Variants in DNAAF5 observed in about 807,000 individuals in gnomAD.
The protein encoded by DNAAF5 is dynein axonemal assembly factor 5.
In DNAAF5, 64 loss-of-function variants were observed where a neutral mutation model predicts 75.8. The observed-to-expected ratio is 0.84, with a 90% CI of 0.69 to 1.04. DNAAF5 has a LOEUF of 1.04. Among genes scored for constraint, DNAAF5 ranks in the 50% least tolerant of loss-of-function variants. The pLI is 0.00. For synonymous variants in DNAAF5, 657 were observed against 557.2 expected, an observed-to-expected ratio of 1.18 and a Z score of -2.52; for missense variants, 1,269 against 1,178.5, an observed-to-expected ratio of 1.08 and a Z score of -1.12.
At chr7:758,660 TGG>T (rs1254026886) in intron 6 of DNAAF5, among the ~76,000 whole-genome samples, 1 of 152,038 alleles carries the variant, frequency 6.6e-6, no homozygotes, top group Non-Finnish European at 1.5e-5. Flanking sequence ...CCACCACACC[TGG>T]GTAATTTTTT....
At chr7:767,540 A>G (rs535975391) in intron 8 of DNAAF5, among the ~76,000 whole-genome samples, 1 of 152,234 alleles carries the variant, frequency 6.6e-6, no homozygotes, top group Non-Finnish European at 1.5e-5. Flanking sequence ...ATACATAATG[A>G]TATTTCCATA....
chr7:740,495 C>G (rs1781869453), intron 2 of DNAAF5, among the ~76,000 whole-genome samples: 1 of 152,238 alleles, frequency 6.6e-6, no homozygotes, highest in Non-Finnish European at 1.5e-5. Flanking sequence ...GCTCAGGTAG[C>G]AGCTGGGAGC....
chr7:779,865 T>C (rs1778877456), intron 11 of DNAAF5, 88 bp from the exon 12 acceptor site: 5 of 1,132,874 alleles, frequency 4.4e-6, no homozygotes, highest in South Asian at 1.5e-5. Context: ...AGGTGTCCCA[T>C]GGGAGTATGA....
intron 2 of DNAAF5, among the ~76,000 whole-genome samples, chr7:736,948 TC>T (rs1781757315): frequency 6.6e-6 from 1 of 152,124 alleles, no homozygotes; most frequent in African/African-American, 2.4e-5. Context: ...GAACACTGAT[TC>T]CAAAAACAAG....
chr7:779,367 T>C (rs1254539514), intron 11 of DNAAF5, among the ~76,000 whole-genome samples: 3 of 152,180 alleles, frequency 2.0e-5, no homozygotes, highest in African/African-American at 7.2e-5. Context: ...AATTTCCGGA[T>C]GCTGCACAGA....
At chr7:729,606 A>G in intron 1 of DNAAF5, 57 bp from the exon 2 acceptor site, 1 of 1,541,394 alleles carries the variant, frequency 6.5e-7, no homozygotes, top group South Asian at 1.2e-5. Context: ...AAGCCCACAG[A>G]GCTGGGCGAG....
chr7:761,333 G>A (rs193146714), intron 6 of DNAAF5, among the ~76,000 whole-genome samples: 1 of 152,364 alleles, frequency 6.6e-6, no homozygotes, highest in East Asian at 1.9e-4. Context: ...GGGCTCTGTC[G>A]GCCCTGACAC....
rs1004231115 is a variant in DNAAF5 at position 754,115 on chromosome 7, C to T, written c.1025-474C>T. ...GGCTTCGCAGGCGTGTCTCTCTGAT[C>T]ATACACGTCAGCACGTGTGGCAAGT... On this transcript the variant is annotated intron_variant, in intron 4 of 12. Coordinates refer to ENST00000297440, the MANE Select transcript of DNAAF5 (RefSeq NM_017802.4). This position sits in a 1 kb window ranked among gnomAD's most constrained non-coding sequence, Gnocchi z 4.8. 7.2e-5 allele frequency among the ~76,000 whole-genome samples: 11 copies of T among 152,334 alleles called. No homozygotes were observed. Among genetic ancestry groups the T allele is most frequent in the African/African-American group, 1.2e-4 (5 of 41,564 alleles).
At chr7:765,361 C>A (rs1441066630) in intron 8 of DNAAF5, among the ~76,000 whole-genome samples, 1 of 152,142 alleles carries the variant, frequency 6.6e-6, no homozygotes, top group African/African-American at 2.4e-5. Context: ...TGGATGGGGG[C>A]CCAGGGTGTT....
chr7:743,235 G>C (rs1451715898), intron 4 of DNAAF5, among the ~76,000 whole-genome samples: 1 of 152,074 alleles, frequency 6.6e-6, no homozygotes. Context: ...AATTAGCTGG[G>C]CGTGGTGGTG....
chr7:729,556 A>G (rs1180236873), intron 1 of DNAAF5, 107 bp from the exon 2 acceptor site: 20 of 1,016,376 alleles, frequency 2.0e-5, no homozygotes, highest in Admixed American at 4.7e-5. Flanking sequence ...TAGGAGAGGA[A>G]GGGAGGTGAG....
intron 12 of DNAAF5, among the ~76,000 whole-genome samples, chr7:782,862 G>C (rs1779018927): frequency 6.6e-6 from 1 of 152,066 alleles, no homozygotes; most frequent in Non-Finnish European, 1.5e-5. Context: ...GGACCTTCCT[G>C]GCGTGGCCGC....
At position 754,941 on chromosome 7, in the gene DNAAF5, G is replaced by A. The variant is rs939357458; in HGVS notation, c.1257+120G>A. ...CAAGACAGCGTTCCCCTCACCCCCG[G>A]GCCGCAGGCCCTCCCCACACCCAGC... On this transcript the variant is annotated intron_variant, in intron 5 of 12. Coordinates refer to ENST00000297440, the MANE Select transcript of DNAAF5 (RefSeq NM_017802.4). This position sits in a 1 kb window ranked among gnomAD's most constrained non-coding sequence, Gnocchi z 4.8. 3 of 706,872 alleles carry A rather than the reference G, an allele frequency of 4.2e-6. No individual in the cohort carries two copies. The African/African-American group carries it at 5.4e-5, about 13-fold the overall frequency. 43.8% of individuals were successfully genotyped at this position (706,872 alleles called of 1,614,324 possible).
chr7:751,316 C>T (rs901973992), intron 4 of DNAAF5, among the ~76,000 whole-genome samples: 1 of 152,038 alleles, frequency 6.6e-6, no homozygotes, highest in Non-Finnish European at 1.5e-5. Flanking sequence ...AATGGGGTGT[C>T]CTGGTACAAG....
At chr7:784,462 C>T (rs897912720) in intron 12 of DNAAF5, among the ~76,000 whole-genome samples, 1 of 152,160 alleles carries the variant, frequency 6.6e-6, no homozygotes, top group South Asian at 2.1e-4. Flanking sequence ...CCTCTTAACT[C>T]CCAGCAGAAT....
chr7:767,312 G>C (rs886837253), intron 8 of DNAAF5, among the ~76,000 whole-genome samples: 4 of 150,804 alleles, frequency 2.7e-5, no homozygotes, highest in Non-Finnish European at 5.9e-5. Flanking sequence ...CTGCTGCCTA[G>C]GGTGGCTGAG....
In DNAAF5 at chr7:727,125, C is replaced by T; in HGVS notation, c.405C>T (p.Pro135=). 8.5e-7 allele frequency: 1 copy of T among 1,169,740 alleles called. No homozygotes were observed. The highest frequency in any genetic ancestry group is 1.1e-6 in the Non-Finnish European group (1 of 949,202). 72.5% of individuals were successfully genotyped at this position (1,169,740 alleles called of 1,614,324 possible). A position where few individuals can be genotyped will look rare whatever the true frequency, so the allele number is the denominator to read the frequency against. ...GCCCCGTGCCCGCGCGCCGCCCGCC[C>T]GAGGCCTGTGAGGAGCTGCGCCTGG... ...LAGPVPARRP[P]EACEELRLAL... The change falls in exon 1 of 13, where the codon CCC becomes CCT. Residue 135 remains proline, a synonymous_variant. Transcript: ENST00000297440.
At position 740,771 on chromosome 7, in the gene DNAAF5, G is replaced by C. The variant is rs756482000; in HGVS notation, c.781-48G>C. Reference sequence around the variant, plus strand: ...GAGCCGCACCGTGGCGTCAGCCCCGGCATCCCCTTTGCCTACACGAATCCT... The same window carrying C: ...GAGCCGCACCGTGGCGTCAGCCCCGCCATCCCCTTTGCCTACACGAATCCT... On this transcript the variant is annotated intron_variant, in intron 2 of 12. Coordinates refer to ENST00000297440, the MANE Select transcript of DNAAF5 (RefSeq NM_017802.4). 6 of 1,607,134 alleles carry C rather than the reference G, an allele frequency of 3.7e-6. No homozygotes were observed. In the South Asian group the frequency reaches 6.6e-5, roughly 18 times the overall value.
chr7:727,028 G>C lies in DNAAF5; in HGVS notation c.308G>C (p.Gly103Ala). ...CTGGCAGTGCACCTGCTGGATCTGG[G>C]CCTGCGCCGCGCCGCGCGGCCCCGC... ...RALAVHLLDL[G>A]LRRAARPRDA... The change falls in exon 1 of 13, where the codon GGC becomes GCC. Residue 103 changes from glycine (G) to alanine (A), a missense_variant. Physicochemically the swap from Gly to Ala is moderately conservative, Grantham distance 60. Transcript: ENST00000297440. 1 of 1,150,372 alleles carries C rather than the reference G, an allele frequency of 8.7e-7. No homozygotes were observed. The highest frequency in any genetic ancestry group is 1.1e-6 in the Non-Finnish European group (1 of 936,116). The allele number at this position is 1,150,372 out of a possible 1,614,324, so 71.3% of individuals were successfully genotyped here. A position where few individuals can be genotyped will look rare whatever the true frequency, so the allele number is the denominator to read the frequency against.
Sources: gnomAD v4.1 joint callset for allele counts (sites outside exome capture counted in the v4.1 genomes callset) on GRCh38, gnomAD v4.1.1 for gene constraint, Gnocchi (gnomAD v3.1) non-coding constraint, MANE v1.5 for transcripts, NCBI Gene and HGNC (gene_info 2026-07-23, HGNC 2026-07-21) for gene names.